Variants in PRKCA observed in about 807,000 individuals in gnomAD.
PRKCA encodes protein kinase C alpha type.
Under a neutral mutation model 87.0 loss-of-function variants are expected in PRKCA, and 27 were observed. The observed-to-expected ratio is 0.31, with a 90% CI of 0.23 to 0.43. The LOEUF (loss-of-function observed/expected upper bound fraction) is 0.43. PRKCA is among the 20% of genes least tolerant of loss of function. The probability of loss-of-function intolerance (pLI) is 1.00; values close to 1 mark genes in which losing one functional copy is unlikely to be tolerated. For missense variants in PRKCA, 518 were observed against 852.3 expected, an observed-to-expected ratio of 0.61 and a Z score of 4.88; for synonymous variants, 329 against 311.1, an observed-to-expected ratio of 1.06 and a Z score of -0.61.
intron 5 of PRKCA, among the ~76,000 whole-genome samples, chr17:66,666,544 A>G (rs1033619941): frequency 6.6e-6 from 1 of 152,198 alleles, no homozygotes; most frequent in Non-Finnish European, 1.5e-5. Flanking sequence ...CTCTGATCCA[A>G]TATTGATGAA....
intron 2 of PRKCA, among the ~76,000 whole-genome samples, chr17:66,406,235 A>C (rs73333315): frequency 6.6e-6 from 1 of 152,180 alleles, no homozygotes; most frequent in African/African-American, 2.4e-5. Context: ...CTCCCATTAA[A>C]GAACGGGGTG....
intron 5 of PRKCA, among the ~76,000 whole-genome samples, chr17:66,682,978 C>T (rs1166810699): frequency 6.6e-6 from 1 of 152,134 alleles, no homozygotes; most frequent in Non-Finnish European, 1.5e-5. Context: ...AGGTACTGTA[C>T]GGATGTTAAA....
intron 2 of PRKCA, among the ~76,000 whole-genome samples, chr17:66,395,754 A>G (rs1298917516): frequency 2.0e-5 from 3 of 152,196 alleles, no homozygotes; most frequent in African/African-American, 7.2e-5. Context: ...TGCACGCTGA[A>G]TGGGATTCTC....
chr17:66,769,136 T>C (rs1974875994), intron 13 of PRKCA, among the ~76,000 whole-genome samples: 1 of 152,132 alleles, frequency 6.6e-6, no homozygotes, highest in Non-Finnish European at 1.5e-5. Flanking sequence ...CTGGGCATAG[T>C]GGCTGATACC....
At chr17:66,436,863 G>T (rs887321875) in intron 2 of PRKCA, among the ~76,000 whole-genome samples, 9 of 152,086 alleles carry the variant, frequency 5.9e-5, no homozygotes, top group Admixed American at 2.6e-4. Context: ...TAAAGATGTC[G>T]TATAAGTCAG....
intron 2 of PRKCA, among the ~76,000 whole-genome samples, chr17:66,347,725 A>C (rs1263291818): frequency 6.6e-6 from 1 of 152,158 alleles, no homozygotes; most frequent in Non-Finnish European, 1.5e-5. Flanking sequence ...CGGTAGATGC[A>C]CATTTTCTAA....
At chr17:66,375,097 G>A (rs1005708048) in intron 2 of PRKCA, among the ~76,000 whole-genome samples, 1 of 152,028 alleles carries the variant, frequency 6.6e-6, no homozygotes, top group African/African-American at 2.4e-5. Context: ...CTTGAGGGGG[G>A]TAATAGCTTA....
Position 66,440,335 on chromosome 17 carries a change from C to T in PRKCA, c.206-55866C>T, listed in dbSNP as rs116958281. 8.3e-3 allele frequency among the ~76,000 whole-genome samples: 1,257 copies of T among 152,294 alleles called. 10 individuals carry two copies. The highest frequency in any genetic ancestry group is 0.03 in the South Asian group (143 of 4,830). ...TGTACCTGAAGAGTGTGGTGCCTAA[C>T]GTATAGCCAATGTTCATTTGTTTCT... On this transcript the variant is annotated intron_variant, in intron 2 of 16. Transcript: ENST00000413366.
chr17:66,627,393 G>A (rs1303090210), intron 3 of PRKCA, among the ~76,000 whole-genome samples: 4 of 152,150 alleles, frequency 2.6e-5, no homozygotes, highest in Admixed American at 6.5e-5. Context: ...CACATTTAAC[G>A]CCACAAGGGA....
At chr17:66,388,799 C>T (rs8079628) in intron 2 of PRKCA, among the ~76,000 whole-genome samples, 2 of 151,986 alleles carry the variant, frequency 1.3e-5, no homozygotes, top group Non-Finnish European at 2.9e-5. Context: ...CGTGGAGAGA[C>T]GGCACTTGTG....
intron 3 of PRKCA, among the ~76,000 whole-genome samples, chr17:66,575,972 G>A (rs939440881): frequency 6.6e-6 from 1 of 151,820 alleles, no homozygotes; most frequent in East Asian, 1.9e-4. Flanking sequence ...AAATTAGCCA[G>A]GTGTGGTGAT....
At position 66,702,149 on chromosome 17, in the gene PRKCA, T is replaced by TAC. The variant is rs921133120; in HGVS notation, c.918+13112_918+13113dup. Among the ~76,000 whole-genome samples the TAC allele has an allele frequency of 1.6e-4, 24 of 151,602 alleles. No individual in the cohort carries two copies. In the South Asian group the frequency reaches 1.9e-3, roughly 12 times the overall value. ...GTGTGCATATTCATATATATATATATACACACACACATATATACATGTAAA... is the reference window on the plus strand; with the variant it reads ...GTGTGCATATTCATATATATATATATACACACACACACATATATACATGTAAA... On this transcript the variant is annotated intron_variant, in intron 8 of 16. Transcript: ENST00000413366.
intron 2 of PRKCA, among the ~76,000 whole-genome samples, chr17:66,474,328 A>G (rs1000057170): frequency 6.6e-6 from 1 of 152,180 alleles, no homozygotes; most frequent in African/African-American, 2.4e-5. Context: ...TTAAAAATTG[A>G]TGGGGACCCT....
At chr17:66,633,039 C>A (rs1971063980) in intron 3 of PRKCA, among the ~76,000 whole-genome samples, 1 of 152,144 alleles carries the variant, frequency 6.6e-6, no homozygotes, top group South Asian at 2.1e-4. Flanking sequence ...AACGGAATTT[C>A]TTTCGTTCTT....
At chr17:66,395,485 A>G (rs1214446318) in intron 2 of PRKCA, among the ~76,000 whole-genome samples, 1 of 152,208 alleles carries the variant, frequency 6.6e-6, no homozygotes, top group Admixed American at 6.5e-5. Context: ...AACTTGGATT[A>G]ACCACATTTC....
chr17:66,622,673 G>A (rs1374326809), intron 3 of PRKCA, among the ~76,000 whole-genome samples: 1 of 152,212 alleles, frequency 6.6e-6, no homozygotes, highest in Non-Finnish European at 1.5e-5. Flanking sequence ...CCAAGACTGG[G>A]AAGAAAAGTA....
chr17:66,650,476 T>G (rs1331071806), intron 5 of PRKCA, among the ~76,000 whole-genome samples: 2 of 152,176 alleles, frequency 1.3e-5, no homozygotes, highest in African/African-American at 4.8e-5. Context: ...AATTTTCAAT[T>G]TAATCTTGTA....
chr17:66,323,247 T>C (rs1905788050), intron 2 of PRKCA, among the ~76,000 whole-genome samples: 1 of 152,194 alleles, frequency 6.6e-6, no homozygotes, highest in South Asian at 2.1e-4. Context: ...CGTTACCACA[T>C]TCCTTTGTAT....
At chr17:66,416,449 G>A (rs1001236552) in intron 2 of PRKCA, 2 of 152,408 alleles carry the variant, frequency 1.3e-5, no homozygotes, top group African/African-American at 4.8e-5. Flanking sequence ...GAGCATCCAT[G>A]TGGCCGGCAG....
Sources: gnomAD v4.1 joint callset for allele counts (sites outside exome capture counted in the v4.1 genomes callset) on GRCh38, gnomAD v4.1.1 for gene constraint, MANE v1.5 for transcripts, NCBI Gene and HGNC (gene_info 2026-07-23, HGNC 2026-07-21) for gene names.